The following PPARGC1A variants were observed in gnomAD, a reference collection of about 807,000 sequenced individuals.
PPARGC1A encodes peroxisome proliferator-activated receptor gamma coactivator 1-alpha.
A neutral mutation model predicts 88.7 loss-of-function variants in PPARGC1A; 25 were observed. The ratio of observed to expected loss-of-function variants is 0.28; its 90% CI spans 0.21 to 0.39. The LOEUF (loss-of-function observed/expected upper bound fraction) is 0.39. Ranked by LOEUF, PPARGC1A falls within the 10% of genes least tolerant of loss-of-function variation. The pLI, the probability that PPARGC1A is intolerant of heterozygous loss-of-function variation, is 1.00. For missense variants in PPARGC1A, 880 were observed against 968.7 expected, an observed-to-expected ratio of 0.91 and a Z score of 1.22; for synonymous variants, 363 against 355.6, an observed-to-expected ratio of 1.02 and a Z score of -0.24.
the PPARGC1A span, among the ~76,000 whole-genome samples, chr4:24,148,354 A>G: frequency 6.6e-6 from 1 of 152,062 alleles, no homozygotes; most frequent in African/African-American, 2.4e-5. Flanking sequence ...TCCTGCTCTA[A>G]TCCTGCCTGT....
upstream of PPARGC1A, among the ~76,000 whole-genome samples, chr4:23,908,519 A>T (rs1349343275): frequency 1.1e-4 from 1 of 9,084 alleles, no homozygotes; most frequent in African/African-American, 3.5e-3. Context: ...GGGAACAGGA[A>T]AAAAAAAAAA....
chr4:24,356,367 G>C, the PPARGC1A span, among the ~76,000 whole-genome samples: 1 of 152,072 alleles, frequency 6.6e-6, no homozygotes, highest in Non-Finnish European at 1.5e-5. Flanking sequence ...ATTATCCCTC[G>C]CTACTAAAAT....
chr4:23,831,691 G>T lies in PPARGC1A; in HGVS notation c.295C>A (p.Leu99Ile), dbSNP rs766754022. 3.7e-6 allele frequency: 6 copies of T among 1,613,788 alleles called. No individual in the cohort carries two copies. Among genetic ancestry groups the T allele is most frequent in the Non-Finnish European group, 5.1e-6 (6 of 1,179,684 alleles). ...GGCAATCCGTCTTCATCCACAGGGA[G>T]ACTGTCTAGTGTCTCTGTGAGGACT... is the stretch of plus-strand genomic sequence containing the variant. ...LAVLTETLDS[L>I]PVDEDGLPSF... Residue 99 changes from leucine to isoleucine, a missense_variant, in exon 3 of 13, where the codon CTC (leucine) becomes ATC (isoleucine). Coordinates refer to ENST00000264867, the MANE Select transcript of PPARGC1A (RefSeq NM_013261.5).
intron 2 of PPARGC1A, among the ~76,000 whole-genome samples, chr4:23,844,743 A>T (rs1178805732): frequency 1.1e-5 from 1 of 94,226 alleles, no homozygotes; most frequent in African/African-American, 4.9e-5. Flanking sequence ...ATGATATATC[A>T]TAATATATGA....
the PPARGC1A span, among the ~76,000 whole-genome samples, chr4:24,054,610 C>T: frequency 1.3e-5 from 2 of 152,162 alleles, no homozygotes; most frequent in African/African-American, 2.4e-5. Context: ...TTTCATTTTA[C>T]ACATATATTT....
At chr4:24,362,300 G>A in the PPARGC1A span, among the ~76,000 whole-genome samples, 1 of 152,094 alleles carries the variant, frequency 6.6e-6, no homozygotes, top group East Asian at 1.9e-4. Context: ...CCAGTATTGA[G>A]CACAATTTCT....
At chr4:23,827,583 C>A (rs569653030) in intron 5 of PPARGC1A, among the ~76,000 whole-genome samples, 2 of 152,044 alleles carry the variant, frequency 1.3e-5, no homozygotes, top group Non-Finnish European at 2.9e-5. Flanking sequence ...GAAGGAGGAG[C>A]CTAAAAGATA....
At chr4:23,962,739 A>G in the PPARGC1A span, among the ~76,000 whole-genome samples, 8 of 152,164 alleles carry the variant, frequency 5.3e-5, no homozygotes, top group African/African-American at 7.2e-5. Context: ...CTGAAACCCA[A>G]GTAGGGAAGG....
chr4:24,056,682 T>G, the PPARGC1A span, among the ~76,000 whole-genome samples: 1 of 152,288 alleles, frequency 6.6e-6, no homozygotes, highest in East Asian at 1.9e-4. Flanking sequence ...AATGTCCTGA[T>G]CTGTAAAATG....
intron 7 of PPARGC1A, among the ~76,000 whole-genome samples, chr4:23,821,963 T>A (rs1723084597): frequency 6.6e-6 from 1 of 152,132 alleles, no homozygotes; most frequent in Non-Finnish European, 1.5e-5. Context: ...CTGTTTTACT[T>A]CAGATCGAAC....
At chr4:24,054,315 A>AG in the PPARGC1A span, among the ~76,000 whole-genome samples, 15 of 151,794 alleles carry the variant, frequency 9.9e-5, no homozygotes. Flanking sequence ...TTGTAAAAAA[A>AG]AAAAAAAAAA....
chr4:24,015,134 A>G, the PPARGC1A span, among the ~76,000 whole-genome samples: 2 of 152,216 alleles, frequency 1.3e-5, no homozygotes, highest in Non-Finnish European at 2.9e-5. Context: ...CCAATATTTC[A>G]TCATATTTAG....
At chr4:24,307,863 G>A in the PPARGC1A span, among the ~76,000 whole-genome samples, 3 of 152,176 alleles carry the variant, frequency 2.0e-5, no homozygotes, top group South Asian at 2.1e-4. Context: ...TCATAGCAGT[G>A]ATATTCTTTC....
chr4:23,977,236 G>GGC, the PPARGC1A span, among the ~76,000 whole-genome samples: 1 of 152,166 alleles, frequency 6.6e-6, no homozygotes, highest in East Asian at 1.9e-4. Flanking sequence ...ACCTCTCTCC[G>GGC]GCGCACACGC....
the PPARGC1A span, among the ~76,000 whole-genome samples, chr4:24,275,148 A>G: frequency 2.0e-4 from 31 of 152,252 alleles, no homozygotes; most frequent in Admixed American, 4.6e-4. Flanking sequence ...ATCAGCACCA[A>G]CAAATCAATC....
the PPARGC1A span, among the ~76,000 whole-genome samples, chr4:24,029,341 T>C: frequency 2.0e-5 from 3 of 152,250 alleles, no homozygotes; most frequent in Admixed American, 1.3e-4. Context: ...CTCCATTCTA[T>C]GTCCAACATT....
the PPARGC1A span, among the ~76,000 whole-genome samples, chr4:24,300,093 C>T: frequency 8.5e-5 from 13 of 152,144 alleles, no homozygotes; most frequent in African/African-American, 3.1e-4. Flanking sequence ...TAGGTGGGAA[C>T]AGCAAGAAGC....
chr4:23,993,327 C>T, the PPARGC1A span, among the ~76,000 whole-genome samples: 1 of 152,086 alleles, frequency 6.6e-6, no homozygotes, highest in Middle Eastern at 3.4e-3. Flanking sequence ...AGATTTAACC[C>T]CTGTAATGTA....
chr4:24,259,114 A>G, the PPARGC1A span, among the ~76,000 whole-genome samples: 1 of 152,176 alleles, frequency 6.6e-6, no homozygotes, highest in Non-Finnish European at 1.5e-5. Context: ...CCTTCAGAAA[A>G]TATTCCAAAA....
Sources: allele counts gnomAD v4.1 joint callset (sites outside exome capture counted in the v4.1 genomes callset), GRCh38; gene constraint gnomAD v4.1.1; transcripts MANE v1.5; gene names NCBI Gene and HGNC (gene_info 2026-07-23, HGNC 2026-07-21).